The following CTNNA2 variants were observed in gnomAD, a reference collection of about 807,000 sequenced individuals.
CTNNA2 encodes catenin alpha 2.
Under a neutral mutation model 101.0 loss-of-function variants are expected in CTNNA2, and 42 were observed. That is an observed-to-expected ratio of 0.42 (90% CI 0.32 to 0.54). The LOEUF is 0.54. Ranked by LOEUF, CTNNA2 falls within the 20% of genes least tolerant of loss-of-function variation. The pLI is 0.14. For synonymous variants in CTNNA2, 450 were observed against 456.4 expected (o/e 0.99, Z 0.18); for missense variants, 871 against 1,223.1 (o/e 0.71, Z 4.29).
rs531090890 is a variant in CTNNA2 at position 80,255,158 on chromosome 2, A to T, written c.1057-138053A>T. 4.6e-5 allele frequency among the ~76,000 whole-genome samples: 7 copies of T among 152,218 alleles called. No homozygotes were observed. The South Asian group carries it at 1.5e-3, about 32-fold the overall frequency. ...CACTGATCTGTGTTTGAGCAAATTG[A>T]TTTCCTAATCCTTTCATGGTTAGCA... is the stretch of plus-strand genomic sequence containing the variant. On this transcript the variant is annotated intron_variant, in intron 7 of 18. Transcript: ENST00000402739.
At chr2:79,754,907 AAATGGGGATAC>A (rs1219485257) in intron 3 of CTNNA2, among the ~76,000 whole-genome samples, 1 of 152,154 alleles carries the variant, frequency 6.6e-6, no homozygotes. Flanking sequence ...CTAGGACAGA[AAATGGGGATAC>A]AAGAGGCAAA....
intron 2 of CTNNA2, among the ~76,000 whole-genome samples, chr2:79,668,820 A>G (rs1407443534): frequency 6.6e-6 from 1 of 152,252 alleles, no homozygotes; most frequent in African/African-American, 2.4e-5. Flanking sequence ...CTTGGTTGCT[A>G]TGCTGTTCTC....
intron 9 of CTNNA2, among the ~76,000 whole-genome samples, chr2:80,443,327 A>G (rs756941763): frequency 6.6e-6 from 1 of 152,222 alleles, no homozygotes; most frequent in South Asian, 2.1e-4. Context: ...TCAAACTGAC[A>G]CAGCAAGGAA....
At chr2:79,857,222 C>T (rs1433490196) in intron 3 of CTNNA2, among the ~76,000 whole-genome samples, 1 of 152,172 alleles carries the variant, frequency 6.6e-6, no homozygotes, top group Non-Finnish European at 1.5e-5. Context: ...TGGACAGCTT[C>T]CCCCCAGTCT....
intron 7 of CTNNA2, among the ~76,000 whole-genome samples, chr2:80,277,990 A>AT (rs1256576576): frequency 6.6e-6 from 1 of 151,820 alleles, no homozygotes; most frequent in Non-Finnish European, 1.5e-5. Context: ...CCATTCATTG[A>AT]TTTTGTCTTT....
chr2:79,523,952 G>C (rs1194591778), intron 1 of CTNNA2, among the ~76,000 whole-genome samples: 1 of 152,014 alleles, frequency 6.6e-6, no homozygotes, highest in Admixed American at 6.6e-5. Flanking sequence ...TTTAAGGACT[G>C]AATTATATTC....
chr2:79,667,748 C>T (rs1189774189), intron 2 of CTNNA2, among the ~76,000 whole-genome samples: 1 of 152,176 alleles, frequency 6.6e-6, no homozygotes, highest in Admixed American at 6.5e-5. Context: ...GAAGCATAAT[C>T]AATCCTAGCA....
At chr2:80,523,240 A>T (rs12999327) in intron 9 of CTNNA2, among the ~76,000 whole-genome samples, 56,496 of 151,996 alleles carry the variant, frequency 0.37, 10,803 homozygotes, top group South Asian at 0.41. Flanking sequence ...AGCAGAATTC[A>T]AATACATGGG....
intron 7 of CTNNA2, among the ~76,000 whole-genome samples, chr2:79,956,289 G>T (rs1413077793): frequency 6.6e-6 from 1 of 151,830 alleles, no homozygotes; most frequent in Non-Finnish European, 1.5e-5. Flanking sequence ...TTTATGATTT[G>T]CATTTTAGTC....
Position 80,267,905 on chromosome 2 carries a change from G to A in CTNNA2, c.1057-125306G>A, listed in dbSNP as rs536092938. On this transcript the variant is annotated intron_variant, in intron 7 of 18. Coordinates refer to ENST00000402739, the MANE Select transcript of CTNNA2 (RefSeq NM_001282597.3). ...GACCAGAAGGAATTTACCAGAGGAGGCTGCCTTAGTCCTAAAGATGTCTTC... is the reference window on the plus strand; with the variant it reads ...GACCAGAAGGAATTTACCAGAGGAGACTGCCTTAGTCCTAAAGATGTCTTC... Among the ~76,000 whole-genome samples, 4 of 152,328 alleles carry A rather than the reference G, an allele frequency of 2.6e-5. No individual in the cohort carries two copies. The East Asian group carries it at 7.7e-4, about 29-fold the overall frequency.
intron 11 of CTNNA2, among the ~76,000 whole-genome samples, chr2:80,548,238 C>A (rs1182404158): frequency 1.3e-5 from 2 of 152,234 alleles, no homozygotes; most frequent in East Asian, 3.9e-4. Context: ...AGCCTCAGAT[C>A]ACACAGCCAT....
chr2:79,202,337 T>C (rs986339093), intron 2 of CTNNA2, among the ~76,000 whole-genome samples: 2 of 145,890 alleles, frequency 1.4e-5, no homozygotes, highest in Non-Finnish European at 3.0e-5. Context: ...GTTTTTTTAT[T>C]TTTTTTATTT....
chr2:80,458,510 T>C (rs1684167638), intron 9 of CTNNA2, among the ~76,000 whole-genome samples: 1 of 152,240 alleles, frequency 6.6e-6, no homozygotes, highest in African/African-American at 2.4e-5. Flanking sequence ...GTATTTATAT[T>C]TGTGTTTGGC....
At chr2:80,391,067 G>C (rs867550096) in intron 7 of CTNNA2, among the ~76,000 whole-genome samples, 11 of 151,708 alleles carry the variant, frequency 7.3e-5, no homozygotes, top group African/African-American at 2.4e-4. Flanking sequence ...AGGAGGCAGA[G>C]GTTGCAGTGA....
chr2:79,997,289 T>C (rs1692619245), intron 7 of CTNNA2, among the ~76,000 whole-genome samples: 1 of 149,916 alleles, frequency 6.7e-6, no homozygotes, highest in African/African-American at 2.5e-5. Flanking sequence ...TATGTTTATT[T>C]CTAGAAGGAA....
intron 12 of CTNNA2, among the ~76,000 whole-genome samples, chr2:80,557,920 G>C (rs1297627996): frequency 6.6e-6 from 1 of 152,054 alleles, no homozygotes; most frequent in East Asian, 1.9e-4. Context: ...GCTCTTACTT[G>C]TTCTGAGTTT....
chr2:80,388,561 T>C (rs1163141691), intron 7 of CTNNA2, among the ~76,000 whole-genome samples: 1 of 152,214 alleles, frequency 6.6e-6, no homozygotes, highest in Non-Finnish European at 1.5e-5. Context: ...AATTCATCCT[T>C]GGCCCTTTCA....
At chr2:79,818,516 C>A (rs1677714130) in intron 3 of CTNNA2, among the ~76,000 whole-genome samples, 1 of 151,388 alleles carries the variant, frequency 6.6e-6, no homozygotes, top group African/African-American at 2.4e-5. Flanking sequence ...GGGGTTTCAC[C>A]ATGTTGGCCA....
intron 7 of CTNNA2, among the ~76,000 whole-genome samples, chr2:80,183,566 C>T (rs1017320891): frequency 2.0e-5 from 3 of 152,048 alleles, no homozygotes; most frequent in Non-Finnish European, 2.9e-5. Context: ...CTTGAAAGCC[C>T]GCCTTCTGTT....
Sources: allele counts gnomAD v4.1 joint callset (sites outside exome capture counted in the v4.1 genomes callset), GRCh38; gene constraint gnomAD v4.1.1; transcripts MANE v1.5; gene names NCBI Gene and HGNC (gene_info 2026-07-23, HGNC 2026-07-21).